Variants in NARF observed in about 807,000 individuals in gnomAD.
NARF encodes the protein iron-only hydrogenase-like protein 2.
A neutral mutation model predicts 48.0 loss-of-function variants in NARF; 41 were observed. The ratio of observed to expected loss-of-function variants is 0.85; its 90% CI spans 0.66 to 1.11. The LOEUF is 1.11. Among genes scored for constraint, NARF ranks in the 50% least tolerant of loss-of-function variants. The probability of loss-of-function intolerance (pLI) is 0.00; values close to 1 mark genes in which losing one functional copy is unlikely to be tolerated. For synonymous variants in NARF, 215 were observed against 225.5 expected (o/e 0.95, Z 0.42); for missense variants, 613 against 590.2 (o/e 1.04, Z -0.40).
At chr17:82,471,386 C>T (rs1475946966) in intron 4 of NARF, among the ~76,000 whole-genome samples, 4 of 139,596 alleles carry the variant, frequency 2.9e-5, no homozygotes, top group Non-Finnish European at 4.6e-5. Context: ...ACCTGGGAGG[C>T]GGAGCTTGCA....
chr17:82,487,816 C>T, intron 10 of NARF, 100 bp from the exon 11 acceptor site: 1 of 1,250,174 alleles, frequency 8.0e-7, no homozygotes. Context: ...TAAAAATCAG[C>T]CGGGCAAGGT....
intron 10 of NARF, 46 bp from the exon 11 acceptor site, chr17:82,487,870 A>T: frequency 6.2e-7 from 1 of 1,602,168 alleles, no homozygotes; most frequent in South Asian, 1.1e-5. Flanking sequence ...CTAAGGCAGA[A>T]AGATCGCCTG....
chr17:82,472,639 G>T lies in NARF; in HGVS notation c.461G>T (p.Arg154Leu). 1.2e-6 allele frequency: 2 copies of T among 1,613,880 alleles called. No individual in the cohort carries two copies. Among genetic ancestry groups the T allele is most frequent in the Non-Finnish European group, 1.7e-6 (2 of 1,179,934 alleles). Residue 154 changes from arginine (R) to leucine (L), a missense_variant, in exon 5 of 11, where the codon CGC becomes CTC. Arg to Leu is a moderately radical substitution (Grantham distance 102, BLOSUM62 -2). Coordinates refer to ENST00000309794, the MANE Select transcript of NARF (RefSeq NM_012336.4). ...ILESQKEFVR[R>L]YRQHSEEERT... ...GAGAGTCAAAAAGAATTCGTGCGTC[G>T]CTATCGCCAGCACAGTGAGGAGGAA...
chr17:82,480,287 G>GCACACACACACACACA (rs5822530), intron 6 of NARF: 22 of 376,188 alleles, frequency 5.8e-5, no homozygotes, highest in African/African-American at 4.2e-4. Context: ...TAGCCAGCGC[G>GCACACACACACACACA]CGCACACACA....
At chr17:82,475,109 G>C (rs965780281) in intron 5 of NARF, among the ~76,000 whole-genome samples, 15 of 152,150 alleles carry the variant, frequency 9.9e-5, no homozygotes, top group Admixed American at 9.8e-4. Context: ...CCTGGTGTTT[G>C]TGTGCTGAGC....
rs749912847 is a variant in NARF, at chr17:82,484,914, A to G, written c.935A>G (p.Asn312Ser). 1.4e-5 allele frequency: 23 copies of G among 1,613,126 alleles called. No homozygotes were observed. Among genetic ancestry groups the G allele is most frequent in the East Asian group, 6.7e-5 (3 of 44,826 alleles). The change falls in exon 9 of 11, where the codon AAC becomes AGC. Residue 312 changes from asparagine (N) to serine (S), a missense_variant. Physicochemically the swap from Asn to Ser is conservative, Grantham distance 46. Transcript: ENST00000309794. ...IFRHAAKELF[N>S]EDVEEVTYRA... is the part of the protein sequence containing the mutation. The stretch of plus-strand genomic sequence containing the variant: ...AGACATGCGGCCAAGGAGCTGTTCA[A>G]CGAGGATGTGGAGGAGGTCACTTAC...
At chr17:82,483,939 T>G in intron 8 of NARF, 160 bp downstream of exon 8, 1 of 621,206 alleles carries the variant, frequency 1.6e-6, no homozygotes, top group Non-Finnish European at 2.8e-6. Flanking sequence ...AGCCACCCTA[T>G]AGCTGTTGAA....
intron 4 of NARF, among the ~76,000 whole-genome samples, chr17:82,470,142 A>G (rs1385347158): frequency 6.6e-6 from 1 of 152,222 alleles, no homozygotes; most frequent in Non-Finnish European, 1.5e-5. Context: ...AAGGATCATC[A>G]GGACAGGCTT....
intron 10 of NARF, among the ~76,000 whole-genome samples, chr17:82,486,726 C>A (rs551931781): frequency 6.6e-6 from 1 of 152,274 alleles, no homozygotes; most frequent in South Asian, 2.1e-4. Context: ...GGAGAAGGTG[C>A]AAGCCCAGCC....
rs143810391 is a variant in NARF, at chr17:82,476,256, C to T, written c.521-2544C>T. Among the ~76,000 whole-genome samples, 1,369 of 152,306 alleles carry T rather than the reference C, an allele frequency of 9.0e-3. 27 individuals are homozygous for T. The highest frequency in any genetic ancestry group is 0.031 in the African/African-American group (1,280 of 41,554). On this transcript the variant is annotated intron_variant, in intron 5 of 10. Coordinates refer to ENST00000309794, the MANE Select transcript of NARF (RefSeq NM_012336.4). ...CTCCTGACCTCAGGTGATCGCCCGC[C>T]TCAGTCTCCCAAAGTGCTGGGATTA...
At chr17:82,464,251 T>G (rs768074067) in intron 2 of NARF, 36 bp from the exon 3 acceptor site, 1 of 1,604,174 alleles carries the variant, frequency 6.2e-7, no homozygotes, top group South Asian at 1.1e-5. Context: ...AAAGAGTATT[T>G]GTTGAATAAT....
intron 6 of NARF, chr17:82,480,424 C>T: frequency 5.0e-6 from 2 of 402,238 alleles, no homozygotes; most frequent in South Asian, 2.5e-4. Flanking sequence ...AGGAAATGGG[C>T]TCAGCCTTCC....
In NARF at chr17:82,480,983, A is replaced by G. The variant is rs1185646300; in HGVS notation, c.640-99A>G. 4 of 1,414,554 alleles carry G rather than the reference A, an allele frequency of 2.8e-6. No homozygotes were observed. In the African/African-American group the frequency reaches 4.3e-5, roughly 15 times the overall value. 87.6% of individuals were successfully genotyped at this position (1,414,554 alleles called of 1,614,324 possible). A position where few individuals can be genotyped will look rare whatever the true frequency, so the allele number is the denominator to read the frequency against. ...CATGCAGTGTCTGGAGGGCAGCAGC[A>G]GGGGGCATTCGGTCTCCCATCCCTC... On this transcript the variant is annotated intron_variant, in intron 6 of 10. Transcript: ENST00000309794.
At chr17:82,469,379 A>G (rs2043644775) in intron 4 of NARF, among the ~76,000 whole-genome samples, 1 of 152,236 alleles carries the variant, frequency 6.6e-6, no homozygotes, top group African/African-American at 2.4e-5. Context: ...TAAGAATATA[A>G]TAAAAGAACT....
At position 82,458,770 on chromosome 17, in the gene NARF, T is replaced by C; in HGVS notation, c.-34T>C. ...CAGTCTCCCGGTGCTTCCCTGAGGC[T>C]GAGGCGCCCGGCCTCCCGCCCGCCG... On this transcript the variant is annotated 5_prime_UTR_variant, in exon 1 of 11. Transcript: ENST00000309794. 1.4e-6 allele frequency: 2 copies of C among 1,468,728 alleles called. No individual in the cohort carries two copies. Among genetic ancestry groups the C allele is most frequent in the African/African-American group, 1.5e-5 (1 of 67,962 alleles). 91.0% of individuals were successfully genotyped at this position (1,468,728 alleles called of 1,614,324 possible).
At chr17:82,460,349 C>T (rs1053224389) in intron 2 of NARF, 9 of 231,410 alleles carry the variant, frequency 3.9e-5, no homozygotes, top group Non-Finnish European at 6.9e-5. Flanking sequence ...CCTGTAATCC[C>T]AGCTACTCAG....
intron 2 of NARF, chr17:82,464,063 C>G: frequency 1.9e-6 from 1 of 515,046 alleles, no homozygotes; most frequent in Non-Finnish European, 3.4e-6. Flanking sequence ...TGCATGGTTC[C>G]CTAGTGTCAT....
chr17:82,471,056 G>A lies in NARF; in HGVS notation c.386-1508G>A, dbSNP rs547030637. On this transcript the variant is annotated intron_variant, in intron 4 of 10. Transcript: ENST00000309794. ...CAGACACCTGTAATCCCAGCTACTC[G>A]GGAGGCTGAGGCACAAGAATCGCTC... is the stretch of plus-strand genomic sequence containing the variant. 7.9e-5 allele frequency among the ~76,000 whole-genome samples: 12 copies of A among 151,846 alleles called. No individual in the cohort carries two copies. In the South Asian group the frequency reaches 1.9e-3, roughly 24 times the overall value.
chr17:82,487,016 G>C (rs1192387550), intron 10 of NARF, among the ~76,000 whole-genome samples: 1 of 152,212 alleles, frequency 6.6e-6, no homozygotes, highest in African/African-American at 2.4e-5. Flanking sequence ...CACGTGTGGT[G>C]CAGGCAGGAG....
Sources: allele counts gnomAD v4.1 joint callset (sites outside exome capture counted in the v4.1 genomes callset), GRCh38; gene constraint gnomAD v4.1.1; transcripts MANE v1.5; gene names NCBI Gene and HGNC (gene_info 2026-07-23, HGNC 2026-07-21).